The following PTPRD variants were observed in gnomAD, a reference collection of about 807,000 sequenced individuals.
PTPRD encodes protein tyrosine phosphatase receptor type D, also known as receptor-type tyrosine-protein phosphatase delta.
In PTPRD, 34 loss-of-function variants were observed where a neutral mutation model predicts 214.5. The ratio of observed to expected loss-of-function variants is 0.16; its 90% CI spans 0.12 to 0.21. The LOEUF (loss-of-function observed/expected upper bound fraction) is 0.21. Ranked by LOEUF, PTPRD falls within the 10% of genes least tolerant of loss-of-function variation. PTPRD has a pLI of 1.00. For synonymous variants in PTPRD, 1,128 were observed against 845.7 expected, an observed-to-expected ratio of 1.33 and a Z score of -5.79; for missense variants, 2,545 against 2,398.7, an observed-to-expected ratio of 1.06 and a Z score of -1.27.
chr9:10,141,579 C>A (rs1402852210), intron 3 of PTPRD, among the ~76,000 whole-genome samples: 2 of 151,992 alleles, frequency 1.3e-5, no homozygotes, highest in African/African-American at 4.8e-5. Context: ...GAACTACAAA[C>A]CACTGCTCAA....
At chr9:10,508,689 G>A (rs952170712) in intron 2 of PTPRD, among the ~76,000 whole-genome samples, 8 of 152,088 alleles carry the variant, frequency 5.3e-5, no homozygotes, top group South Asian at 2.1e-4. Context: ...GCAAACTATC[G>A]CAAGGACAAA....
intron 4 of PTPRD, among the ~76,000 whole-genome samples, chr9:9,998,376 GA>G (rs1567000087): frequency 1.3e-5 from 2 of 151,026 alleles, no homozygotes; most frequent in African/African-American, 2.4e-5. Flanking sequence ...GAAATTGAAG[GA>G]AAAAAAGTAG....
intron 3 of PTPRD, among the ~76,000 whole-genome samples, chr9:10,085,615 T>C (rs2098323910): frequency 6.6e-6 from 1 of 150,888 alleles, no homozygotes; most frequent in Non-Finnish European, 1.5e-5. Context: ...AGAAGAAAAG[T>C]GAGAGACTCA....
chr9:8,577,604 C>G (rs1040617889), intron 14 of PTPRD, among the ~76,000 whole-genome samples: 4 of 152,152 alleles, frequency 2.6e-5, no homozygotes, highest in Admixed American at 2.0e-4. Flanking sequence ...TCCTTCAAGA[C>G]TTCAATCAAA....
At chr9:8,917,423 C>T (rs1272798803) in intron 11 of PTPRD, among the ~76,000 whole-genome samples, 1 of 151,876 alleles carries the variant, frequency 6.6e-6, no homozygotes. Context: ...AAGTGTGAGC[C>T]ACCGCGCCCG....
intron 7 of PTPRD, among the ~76,000 whole-genome samples, chr9:9,603,518 C>T (rs185954158): frequency 3.3e-5 from 5 of 152,276 alleles, no homozygotes; most frequent in Admixed American, 2.6e-4. Flanking sequence ...AGGCGGCATA[C>T]CCGGAAGTGA....
At chr9:10,536,488 C>A (rs2135036016) in intron 2 of PTPRD, among the ~76,000 whole-genome samples, 1 of 152,094 alleles carries the variant, frequency 6.6e-6, no homozygotes, top group South Asian at 2.1e-4. Flanking sequence ...TTATGAGAAA[C>A]TTCATAATAA....
chr9:10,599,444 G>A (rs1450576942), intron 2 of PTPRD, among the ~76,000 whole-genome samples: 1 of 151,712 alleles, frequency 6.6e-6, no homozygotes, highest in Non-Finnish European at 1.5e-5. Flanking sequence ...TTCTACTGCA[G>A]TGTAGCATAT....
At chr9:10,000,430 C>A (rs898075098) in intron 4 of PTPRD, among the ~76,000 whole-genome samples, 72 of 152,032 alleles carry the variant, frequency 4.7e-4, no homozygotes, top group Non-Finnish European at 8.5e-4. Context: ...ATGGACAAGC[C>A]ATTCTTCCAA....
At chr9:9,726,399 G>C (rs949335895) in intron 7 of PTPRD, among the ~76,000 whole-genome samples, 1 of 152,110 alleles carries the variant, frequency 6.6e-6, no homozygotes, top group Non-Finnish European at 1.5e-5. Context: ...GCCATAAGCA[G>C]GACAGTGTAA....
intron 10 of PTPRD, among the ~76,000 whole-genome samples, chr9:9,092,725 A>C (rs1181001898): frequency 6.6e-6 from 1 of 152,130 alleles, no homozygotes; most frequent in Admixed American, 6.5e-5. Context: ...TACAAACTTA[A>C]TAAACATCTA....
chr9:9,582,692 T>G (rs796822050), intron 7 of PTPRD, among the ~76,000 whole-genome samples: 13 of 152,234 alleles, frequency 8.5e-5, no homozygotes, highest in African/African-American at 3.1e-4. Flanking sequence ...GTTTATCTCT[T>G]AAATAATTTA....
chr9:8,824,630 C>G (rs1358393781), intron 11 of PTPRD, among the ~76,000 whole-genome samples: 1 of 151,942 alleles, frequency 6.6e-6, no homozygotes, highest in Non-Finnish European at 1.5e-5. Flanking sequence ...AATTAGAAGG[C>G]TTTTTATGAA....
intron 10 of PTPRD, among the ~76,000 whole-genome samples, chr9:9,077,612 T>G (rs1257396963): frequency 6.6e-6 from 1 of 152,028 alleles, no homozygotes; most frequent in East Asian, 1.9e-4. Flanking sequence ...GCGGAGAGTG[T>G]CATGCAAAGA....
chr9:8,965,038 G>A (rs1390267600), intron 11 of PTPRD, among the ~76,000 whole-genome samples: 1 of 152,064 alleles, frequency 6.6e-6, no homozygotes, highest in Non-Finnish European at 1.5e-5. Flanking sequence ...GGTGCATGTA[G>A]ATGTCTATTA....
intron 11 of PTPRD, among the ~76,000 whole-genome samples, chr9:8,842,419 T>C (rs1039051384): frequency 2.6e-5 from 4 of 152,352 alleles, no homozygotes; most frequent in African/African-American, 9.6e-5. Context: ...AGTTAGGGTA[T>C]ACAAGGGTAA....
intron 12 of PTPRD, among the ~76,000 whole-genome samples, chr9:8,708,127 A>C (rs545895583): frequency 6.6e-6 from 1 of 152,354 alleles, no homozygotes; most frequent in South Asian, 2.1e-4. Context: ...GATGCCGTGT[A>C]TAAAATTTAT....
intron 2 of PTPRD, among the ~76,000 whole-genome samples, chr9:10,360,113 A>C (rs915078596): frequency 6.6e-6 from 1 of 152,208 alleles, no homozygotes; most frequent in South Asian, 2.1e-4. Flanking sequence ...AATTTGTCCT[A>C]CTGAAAAACG....
intron 5 of PTPRD, among the ~76,000 whole-genome samples, chr9:9,835,594 C>G (rs898102019): frequency 6.6e-6 from 1 of 152,122 alleles, no homozygotes; most frequent in Non-Finnish European, 1.5e-5. Context: ...AGCTCATCTT[C>G]TTTTGACAAA....
Sources: allele counts gnomAD v4.1 joint callset (sites outside exome capture counted in the v4.1 genomes callset), GRCh38; gene constraint gnomAD v4.1.1; transcripts MANE v1.5; gene names NCBI Gene and HGNC (gene_info 2026-07-23, HGNC 2026-07-21).